The following NEDD4L variants were observed in gnomAD, a reference collection of about 807,000 sequenced individuals.
NEDD4L encodes the protein E3 ubiquitin-protein ligase NEDD4-like.
In NEDD4L, 54 loss-of-function variants were observed where a neutral mutation model predicts 148.9. That is an observed-to-expected ratio of 0.36 (90% CI 0.29 to 0.45). The LOEUF (loss-of-function observed/expected upper bound fraction) is 0.45. NEDD4L is among the 20% of genes least tolerant of loss of function. The probability of loss-of-function intolerance (pLI) is 1.00; values close to 1 mark genes in which losing one functional copy is unlikely to be tolerated. For synonymous variants in NEDD4L, 433 were observed against 440.7 expected, an observed-to-expected ratio of 0.98 and a Z score of 0.22; for missense variants, 856 against 1,233.8, an observed-to-expected ratio of 0.69 and a Z score of 4.59.
chr18:58,166,988 T>C lies in NEDD4L; in HGVS notation c.122+1127T>C, dbSNP rs6566941. ...CTCACCTGTGATTGATCATGCATGA[T>C]TGAGTTTTGTCTATTAAAGCAATTG... On this transcript the variant is annotated intron_variant, in intron 2 of 30. Transcript: ENST00000400345. Among the ~76,000 whole-genome samples the C allele has an allele frequency of 8.7e-3, 1,326 of 152,310 alleles. 11 individuals carry two copies. The highest frequency in any genetic ancestry group is 0.03 in the African/African-American group (1,256 of 41,560).
intron 13 of NEDD4L, among the ~76,000 whole-genome samples, chr18:58,337,783 A>C (rs1428261711): frequency 6.6e-6 from 1 of 152,112 alleles, no homozygotes; most frequent in Non-Finnish European, 1.5e-5. Context: ...AACCGTCCTG[A>C]TATAGCTTTC....
intron 2 of NEDD4L, among the ~76,000 whole-genome samples, chr18:58,171,977 G>A (rs984446593): frequency 2.6e-5 from 4 of 152,108 alleles, no homozygotes; most frequent in Admixed American, 6.5e-5. Context: ...ACTTTATACC[G>A]TACAGAAGGA....
chr18:58,190,057 A>G (rs2039934589), intron 2 of NEDD4L: 1 of 152,244 alleles, frequency 6.6e-6, no homozygotes, highest in African/African-American at 2.4e-5. Flanking sequence ...GAGGGTATGC[A>G]AACTATTAAC....
intron 5 of NEDD4L, among the ~76,000 whole-genome samples, chr18:58,295,780 T>A (rs961881341): frequency 3.3e-5 from 5 of 152,082 alleles, no homozygotes; most frequent in African/African-American, 1.2e-4. Context: ...AGCTGCACTT[T>A]GGCACCCAGG....
chr18:58,316,048 T>C lies in NEDD4L; in HGVS notation c.348+16T>C. 6.2e-7 allele frequency: 1 copy of C among 1,605,958 alleles called. No individual in the cohort carries two copies. The highest frequency in any genetic ancestry group is 1.1e-5 in the South Asian group (1 of 90,858). ...TCACCTTCCGGTAAGGACAGTCTCA[T>C]GTTTGATGCTTCGTGCTGGGGGCGG... On this transcript the variant is annotated intron_variant, in intron 6 of 30. Transcript: ENST00000400345.
intron 16 of NEDD4L, among the ~76,000 whole-genome samples, chr18:58,347,454 G>A (rs151305198): frequency 6.6e-6 from 1 of 152,256 alleles, no homozygotes; most frequent in East Asian, 1.9e-4. Context: ...AGTTAGCATT[G>A]AGTGGGTAGC....
Position 58,242,047 on chromosome 18 carries a change from T to A in NEDD4L, c.123-3380T>A, listed in dbSNP as rs371071794. ...TGATGAGCTTCATTGTGAGTAAGAG[T>A]CCCAGTTTGATCATCTCTACCCAGA... On this transcript the variant is annotated intron_variant, in intron 2 of 30. Transcript: ENST00000400345. 5.9e-5 allele frequency among the ~76,000 whole-genome samples: 9 copies of A among 151,964 alleles called. No homozygotes were observed. In the East Asian group the frequency reaches 1.7e-3, roughly 29 times the overall value.
At chr18:58,336,055 CACA>C (rs2041708657) in intron 13 of NEDD4L, 1 of 153,144 alleles carries the variant, frequency 6.5e-6, no homozygotes, top group African/African-American at 2.4e-5. Flanking sequence ...GGGCTCTCCT[CACA>C]CAATGAACAA....
chr18:58,069,027 C>T (rs992825597), intron 1 of NEDD4L, among the ~76,000 whole-genome samples: 11 of 150,418 alleles, frequency 7.3e-5, no homozygotes, highest in African/African-American at 2.7e-4. Flanking sequence ...GTCCCAGCTA[C>T]TTCAGAGCTG....
rs2050764087 is a variant in NEDD4L, at chr18:58,400,211, TC to T, written c.*3944del. 1 of 152,236 alleles carries T rather than the reference TC, an allele frequency of 6.6e-6. No homozygotes were observed. Among genetic ancestry groups the T allele is most frequent in the African/African-American group, 2.4e-5 (1 of 41,420 alleles). 9.4% of individuals were successfully genotyped at this position (152,236 alleles called of 1,614,324 possible). ...CAGGGTAACTGCCCGCCTGCTCCCT[TC>T]CTGACCTCCCCTGACCCCGAAGATC... is the stretch of plus-strand genomic sequence containing the variant. On this transcript the variant is annotated 3_prime_UTR_variant, in exon 31 of 31. Transcript: ENST00000400345.
intron 21 of NEDD4L, 59 bp from the exon 22 acceptor site, chr18:58,367,687 T>C (rs1225731757): frequency 6.3e-7 from 1 of 1,595,746 alleles, no homozygotes; most frequent in South Asian, 1.1e-5. Flanking sequence ...GGCAAACAAA[T>C]ATGCAAAATC....
intron 1 of NEDD4L, among the ~76,000 whole-genome samples, chr18:58,160,027 G>A (rs2036000337): frequency 6.6e-6 from 1 of 152,166 alleles, no homozygotes; most frequent in Admixed American, 6.5e-5. Flanking sequence ...TGCCATTGTG[G>A]AAAATAAGGA....
At chr18:58,089,939 A>G (rs2029875364) in intron 1 of NEDD4L, among the ~76,000 whole-genome samples, 1 of 151,472 alleles carries the variant, frequency 6.6e-6, no homozygotes. Flanking sequence ...TCCCAAGCTC[A>G]AGTGACTCTC....
chr18:58,255,957 G>C, intron 5 of NEDD4L: 3 of 1,231,204 alleles, frequency 2.4e-6, no homozygotes, highest in Non-Finnish European at 3.0e-6. Context: ...GCCACGGACG[G>C]GTGCGGGCCG....
At position 58,341,680 on chromosome 18, in the gene NEDD4L, T is replaced by C. The variant is rs778724751; in HGVS notation, c.1260T>C (p.Leu420=). The C allele has an allele frequency of 2.5e-6, 4 of 1,612,736 alleles. No individual in the cohort carries two copies. The highest frequency in any genetic ancestry group is 3.4e-6 in the Non-Finnish European group (4 of 1,179,500). ...TTTWTRPIMQ[L]AEDGASGSAT... Reference sequence around the variant, plus strand: ...ACTTGTTTTTGCCTCCAAAATAGCTTGCAGAAGATGGTGCGTCCGGATCAG... The same window carrying C: ...ACTTGTTTTTGCCTCCAAAATAGCTCGCAGAAGATGGTGCGTCCGGATCAG... Residue 420 remains leucine, a splice_region_variant and synonymous_variant, in exon 15 of 31, where the codon CTT becomes CTC. Coordinates refer to ENST00000400345, the MANE Select transcript of NEDD4L (RefSeq NM_001144967.3).
intron 19 of NEDD4L, 119 bp downstream of exon 19, chr18:58,357,371 G>A: frequency 1.1e-6 from 1 of 928,740 alleles, no homozygotes; most frequent in Non-Finnish European, 1.8e-6. Context: ...TAGTTGACTA[G>A]AAACAGAGCA....
At chr18:58,249,239 T>C (rs1014008092) in intron 4 of NEDD4L, among the ~76,000 whole-genome samples, 3 of 152,204 alleles carry the variant, frequency 2.0e-5, no homozygotes, top group Non-Finnish European at 4.4e-5. Flanking sequence ...TTTATGAGAA[T>C]GGTTTAATTC....
intron 6 of NEDD4L, among the ~76,000 whole-genome samples, chr18:58,320,712 G>A (rs2058698557): frequency 6.6e-6 from 1 of 152,156 alleles, no homozygotes; most frequent in African/African-American, 2.4e-5. Flanking sequence ...CTACTTGGGA[G>A]GCTGAGGTGG....
chr18:58,228,245 A>C (rs959336844), intron 2 of NEDD4L, among the ~76,000 whole-genome samples: 6 of 137,640 alleles, frequency 4.4e-5, no homozygotes, highest in Non-Finnish European at 9.2e-5. Flanking sequence ...AGAAATGGAC[A>C]CATAAGTAAA....
Sources: allele counts gnomAD v4.1 joint callset (sites outside exome capture counted in the v4.1 genomes callset), GRCh38; gene constraint gnomAD v4.1.1; transcripts MANE v1.5; gene names NCBI Gene and HGNC (gene_info 2026-07-23, HGNC 2026-07-21).